The following LRRC4C variants were observed in gnomAD, a reference collection of about 807,000 sequenced individuals.
LRRC4C encodes leucine rich repeat containing 4C, also known as leucine-rich repeat-containing protein 4C.
Under a neutral mutation model 33.6 loss-of-function variants are expected in LRRC4C, and 5 were observed. That is an observed-to-expected ratio of 0.15 (90% CI 0.08 to 0.31). The LOEUF (loss-of-function observed/expected upper bound fraction) is 0.31. Among genes scored for constraint, LRRC4C ranks in the 10% least tolerant of loss-of-function variants. The pLI is 1.00. For synonymous variants in LRRC4C, 329 were observed against 302.0 expected (o/e 1.09, Z -0.93); for missense variants, 560 against 796.7 (o/e 0.70, Z 3.58).
chr11:40,891,176 G>C (rs1955690717), intron 2 of LRRC4C, among the ~76,000 whole-genome samples: 1 of 152,092 alleles, frequency 6.6e-6, no homozygotes, highest in African/African-American at 2.4e-5. Flanking sequence ...GGCGGAGGTT[G>C]CAGTGAGCTG....
intron 3 of LRRC4C, among the ~76,000 whole-genome samples, chr11:40,455,857 T>G (rs1368295583): frequency 6.6e-6 from 1 of 152,120 alleles, no homozygotes; most frequent in Non-Finnish European, 1.5e-5. Context: ...GGCCAACTCA[T>G]TTTATCTTCA....
In LRRC4C at chr11:41,007,345, G is replaced by T. The variant is rs1373494944; in HGVS notation, c.-495-73622C>A. On this transcript the variant is annotated intron_variant, in intron 1 of 6. Coordinates refer to ENST00000528697, the MANE Select transcript of LRRC4C (RefSeq NM_001258419.2). The stretch of plus-strand genomic sequence containing the variant: ...AAACTCACTAATTATTCTGTAAAAT[G>T]CAAATTAAACAACAAAAATGCTTTC... Among the ~76,000 whole-genome samples the T allele has an allele frequency of 2.0e-5, 3 of 151,466 alleles. No individual in the cohort carries two copies. In the East Asian group the frequency reaches 5.8e-4, roughly 29 times the overall value.
intron 1 of LRRC4C, among the ~76,000 whole-genome samples, chr11:41,070,280 C>A (rs1210175817): frequency 6.6e-6 from 1 of 151,928 alleles, no homozygotes; most frequent in Admixed American, 6.6e-5. Context: ...GATGGATTAA[C>A]AACTTAAATG....
rs112044839 is a variant in LRRC4C at position 40,257,530 on chromosome 11, C to T, written c.-175-15932G>A. On this transcript the variant is annotated intron_variant, in intron 4 of 6. Coordinates refer to ENST00000528697, the MANE Select transcript of LRRC4C (RefSeq NM_001258419.2). The stretch of plus-strand genomic sequence containing the variant: ...GGCCATGTGCTTCTGAGAAAGAAGC[C>T]GCTTGATGCAGCCCCGAAGAGTCAT... 8.5e-5 allele frequency among the ~76,000 whole-genome samples: 13 copies of T among 152,162 alleles called. 2 individuals carry two copies. The highest frequency in any genetic ancestry group is 2.4e-4 in the African/African-American group (10 of 41,542).
chr11:40,820,353 G>A (rs988888676), intron 2 of LRRC4C, among the ~76,000 whole-genome samples: 3 of 151,860 alleles, frequency 2.0e-5, no homozygotes, highest in Non-Finnish European at 2.9e-5. Flanking sequence ...GAAAATTCTC[G>A]AGCTGAAAAG....
At chr11:40,633,758 GGCCAATAAT>G (rs762990566) in intron 3 of LRRC4C, among the ~76,000 whole-genome samples, 1 of 151,996 alleles carries the variant, frequency 6.6e-6, no homozygotes, top group Non-Finnish European at 1.5e-5. Context: ...AACAGAAATA[GGCCAATAAT>G]GTACATTATT....
chr11:40,550,713 T>G (rs186380963), intron 3 of LRRC4C, among the ~76,000 whole-genome samples: 1 of 152,220 alleles, frequency 6.6e-6, no homozygotes, highest in Admixed American at 6.5e-5. Context: ...AGGCAGAGGC[T>G]CATTGGTGTT....
chr11:40,861,107 G>A (rs952508281), intron 2 of LRRC4C, among the ~76,000 whole-genome samples: 1 of 152,026 alleles, frequency 6.6e-6, no homozygotes, highest in African/African-American at 2.4e-5. Context: ...ACTCTCAGGG[G>A]AAACTAAGTT....
intron 3 of LRRC4C, among the ~76,000 whole-genome samples, chr11:40,379,120 G>A (rs1307483805): frequency 1.3e-5 from 2 of 152,072 alleles, no homozygotes; most frequent in Non-Finnish European, 2.9e-5. Flanking sequence ...GTTATAAAGA[G>A]CAGAGTAACT....
intron 3 of LRRC4C, among the ~76,000 whole-genome samples, chr11:40,458,382 T>A (rs894395855): frequency 2.6e-5 from 4 of 152,156 alleles, no homozygotes; most frequent in African/African-American, 9.7e-5. Context: ...TTTAAGACAA[T>A]CTAACTGACC....
intron 3 of LRRC4C, among the ~76,000 whole-genome samples, chr11:40,322,883 G>T (rs1211955951): frequency 6.6e-6 from 1 of 152,052 alleles, no homozygotes; most frequent in Non-Finnish European, 1.5e-5. Flanking sequence ...TTTCATGTGG[G>T]ACTAATAAAA....
At chr11:40,647,084 T>G (rs1942512860) in intron 3 of LRRC4C, among the ~76,000 whole-genome samples, 1 of 152,238 alleles carries the variant, frequency 6.6e-6, no homozygotes, top group Non-Finnish European at 1.5e-5. Flanking sequence ...TCCATTCAGC[T>G]TAATCTACAT....
intron 3 of LRRC4C, among the ~76,000 whole-genome samples, chr11:40,571,295 G>T (rs946206071): frequency 2.6e-5 from 4 of 152,064 alleles, no homozygotes; most frequent in Non-Finnish European, 4.4e-5. Context: ...ACATGCACAT[G>T]ATGTTCATTG....
intron 3 of LRRC4C, among the ~76,000 whole-genome samples, chr11:40,646,136 C>A (rs1565594243): frequency 6.6e-6 from 1 of 151,606 alleles, no homozygotes; most frequent in Non-Finnish European, 1.5e-5. Flanking sequence ...CTGAATGTAA[C>A]CTGATTCACA....
Position 40,186,106 on chromosome 11 carries a change from T to C in LRRC4C, c.-95-45253A>G, listed in dbSNP as rs76910995. ...AGACGGCACCTTGATTGTTTCTTGT[T>C]CACTATTCTAGACTCTGGTTCTACC... On this transcript the variant is annotated intron_variant, in intron 5 of 6. Transcript: ENST00000528697. Among the ~76,000 whole-genome samples, 1,513 of 152,324 alleles carry C rather than the reference T, an allele frequency of 9.9e-3. 29 individuals are homozygous for C. Among genetic ancestry groups the C allele is most frequent in the African/African-American group, 0.035 (1,454 of 41,554 alleles).
At chr11:40,120,017 A>C (rs763276567) in intron 6 of LRRC4C, among the ~76,000 whole-genome samples, 3 of 152,116 alleles carry the variant, frequency 2.0e-5, no homozygotes, top group Non-Finnish European at 4.4e-5. Flanking sequence ...ATAAAACCAC[A>C]ATAAAGGCTC....
chr11:40,650,433 G>A (rs1942724724), intron 2 of LRRC4C, among the ~76,000 whole-genome samples: 2 of 152,288 alleles, frequency 1.3e-5, no homozygotes, highest in Admixed American at 6.5e-5. Flanking sequence ...TAACCTGACA[G>A]TAACCAATCT....
chr11:40,609,391 T>A (rs1247293540), intron 3 of LRRC4C, among the ~76,000 whole-genome samples: 1 of 151,834 alleles, frequency 6.6e-6, no homozygotes, highest in African/African-American at 2.4e-5. Context: ...ATACCAAAAC[T>A]TATCGGATAC....
At chr11:41,412,786 CAGAG>C (rs969548279) in intron 1 of LRRC4C, among the ~76,000 whole-genome samples, 14 of 152,226 alleles carry the variant, frequency 9.2e-5, no homozygotes, top group Non-Finnish European at 1.8e-4. Context: ...GAAACTCAGA[CAGAG>C]AGAGACTGGA....
Sources: gnomAD v4.1 joint callset for allele counts (sites outside exome capture counted in the v4.1 genomes callset) on GRCh38, gnomAD v4.1.1 for gene constraint, MANE v1.5 for transcripts, NCBI Gene and HGNC (gene_info 2026-07-23, HGNC 2026-07-21) for gene names.